The following SPTBN2 variants were observed in gnomAD, a reference collection of about 807,000 sequenced individuals.
SPTBN2 encodes the protein spectrin beta, non-erythrocytic 2.
A neutral mutation model predicts 284.2 loss-of-function variants in SPTBN2; 107 were observed. That is an observed-to-expected ratio of 0.38 (90% CI 0.32 to 0.44). The LOEUF is 0.44. Ranked by LOEUF, SPTBN2 falls within the 20% of genes least tolerant of loss-of-function variation. The probability of loss-of-function intolerance (pLI) is 1.00; values close to 1 mark genes in which losing one functional copy is unlikely to be tolerated. For synonymous variants in SPTBN2, 1,289 were observed against 1,354.8 expected (o/e 0.95, Z 1.07); for missense variants, 2,569 against 3,287.1 (o/e 0.78, Z 5.34).
chr11:66,720,310 A>G (rs1942336042), intron 3 of SPTBN2, among the ~76,000 whole-genome samples: 1 of 152,084 alleles, frequency 6.6e-6, no homozygotes, highest in Admixed American at 6.5e-5. Flanking sequence ...CAATGACAAG[A>G]GTGGGATGGA....
intron 17 of SPTBN2, 101 bp from the exon 18 acceptor site, chr11:66,699,709 G>T: frequency 8.3e-7 from 1 of 1,200,116 alleles, no homozygotes; most frequent in Non-Finnish European, 1.2e-6. Flanking sequence ...GGACCAACAA[G>T]CAGACAGGGA....
chr11:66,723,614 A>G (rs1301884094), intron 1 of SPTBN2, among the ~76,000 whole-genome samples: 1 of 152,202 alleles, frequency 6.6e-6, no homozygotes, highest in African/African-American at 2.4e-5. Flanking sequence ...GCTAAGGTCT[A>G]AGGCTTGTAG....
Position 66,687,298 on chromosome 11 carries a change from T to C in SPTBN2, c.6722+129A>G. ...GTCTTCACACCCTCTGGTCCTCCCC[T>C]GAGGCCCCGCTCTGGTCCCAAGTCC... On this transcript the variant is annotated intron_variant, in intron 35 of 37. Coordinates refer to ENST00000533211, the MANE Select transcript of SPTBN2 (RefSeq NM_006946.4). The surrounding 1 kb of genome is among the most constrained non-coding windows in gnomAD (Gnocchi z 5.2). 6.5e-7 allele frequency: 1 copy of C among 1,539,230 alleles called. No homozygotes were observed. The highest frequency in any genetic ancestry group is 2.3e-5 in the East Asian group (1 of 44,056).
intron 1 of SPTBN2, among the ~76,000 whole-genome samples, chr11:66,725,146 A>G (rs1218906061): frequency 6.6e-6 from 1 of 152,144 alleles, no homozygotes; most frequent in African/African-American, 2.4e-5. Flanking sequence ...GTTTCCAGAA[A>G]TGCTGTGATA....
At chr11:66,689,032 G>A in intron 30 of SPTBN2, 64 bp downstream of exon 30, 1 of 1,543,896 alleles carries the variant, frequency 6.5e-7, no homozygotes, top group Admixed American at 1.9e-5. Context: ...ACCTACTCTG[G>A]AACCCACAGG....
At chr11:66,722,892 CAAAAAAAAAAA>C (rs1293210992) in intron 1 of SPTBN2, among the ~76,000 whole-genome samples, 41 of 55,224 alleles carry the variant, frequency 7.4e-4, no homozygotes, top group African/African-American at 2.8e-3. Context: ...GATTCTGCCT[CAAAAAAAAAAA>C]AAAAAAAAAA....
chr11:66,734,237 C>A (rs925093312), intron 1 of SPTBN2, among the ~76,000 whole-genome samples: 3 of 151,954 alleles, frequency 2.0e-5, no homozygotes, highest in Admixed American at 2.0e-4. Flanking sequence ...TTGTCTAGGC[C>A]TTTTCTTATT....
chr11:66,699,589 G>A lies in SPTBN2; in HGVS notation c.3593C>T (p.Thr1198Met), dbSNP rs761305091. The A allele has an allele frequency of 1.1e-5, 17 of 1,613,960 alleles. No individual in the cohort carries two copies. The African/African-American group carries it at 1.6e-4, about 15-fold the overall frequency. Residue 1198 changes from threonine (T) to methionine (M), a missense_variant, in exon 18 of 38, where the codon ACG becomes ATG. Thr to Met is a moderately conservative substitution (Grantham distance 81). Around this residue, in one of 6 missense-constraint regions of SPTBN2, gnomAD observed 1,012 missense variants for 1,248.9 expected, o/e 0.81. Transcript: ENST00000533211. ...AGCCTGGAGTGTCCCTGGCATCTCCGTGTGAGACAGAACATATTCCTGTGT... is the reference window on the plus strand; with the variant it reads ...AGCCTGGAGTGTCCCTGGCATCTCCATGTGAGACAGAACATATTCCTGTGT... ...LSSQEYVLSHTEMPGTLQAAD... is the reference protein window; with the variant it reads ...LSSQEYVLSHMEMPGTLQAAD...
At chr11:66,724,834 TTC>T (rs1942555202) in intron 1 of SPTBN2, among the ~76,000 whole-genome samples, 1 of 152,166 alleles carries the variant, frequency 6.6e-6, no homozygotes, top group African/African-American at 2.4e-5. Flanking sequence ...CACCCATCAC[TTC>T]TCTCTTCTCC....
chr11:66,683,006 G>A lies in SPTBN2; in HGVS notation c.*2865C>T, dbSNP rs368462104. 6.6e-6 allele frequency among the ~76,000 whole-genome samples: 1 copy of A among 151,442 alleles called. No individual in the cohort carries two copies. The highest frequency in any genetic ancestry group is 1.5e-5 in the Non-Finnish European group (1 of 67,944). Reference sequence around the variant, plus strand: ...TGAGCTCAAGTGACCCACTCACCTCGGCTTCCCAAAGTGCTGGGATTATAA... The same window carrying A: ...TGAGCTCAAGTGACCCACTCACCTCAGCTTCCCAAAGTGCTGGGATTATAA... On this transcript the variant is annotated 3_prime_UTR_variant, in exon 38 of 38. Coordinates refer to ENST00000533211, the MANE Select transcript of SPTBN2 (RefSeq NM_006946.4).
Position 66,715,679 on chromosome 11 carries a change from C to T in SPTBN2, c.309+151G>A, listed in dbSNP as rs541273968. 15 of 1,153,940 alleles carry T rather than the reference C, an allele frequency of 1.3e-5. No individual in the cohort carries two copies. The highest frequency in any genetic ancestry group is 2.0e-5 in the Admixed American group (1 of 50,064). 71.5% of individuals were successfully genotyped at this position (1,153,940 alleles called of 1,614,324 possible). A position where few individuals can be genotyped will look rare whatever the true frequency, so the allele number is the denominator to read the frequency against. On this transcript the variant is annotated intron_variant, in intron 4 of 37. Coordinates refer to ENST00000533211, the MANE Select transcript of SPTBN2 (RefSeq NM_006946.4). This position sits in a 1 kb window ranked among gnomAD's most constrained non-coding sequence, Gnocchi z 5.3. ...CAATGCTCCTATGTAATCTAAGTGGCAAAGGCACTTGAAATGAACCCATCC... is the reference window on the plus strand; with the variant it reads ...CAATGCTCCTATGTAATCTAAGTGGTAAAGGCACTTGAAATGAACCCATCC...
chr11:66,694,562 A>G (rs1057108388), intron 21 of SPTBN2, among the ~76,000 whole-genome samples, 199 bp from the exon 22 acceptor site: 2 of 152,156 alleles, frequency 1.3e-5, no homozygotes, highest in Non-Finnish European at 2.9e-5. Context: ...GGTTGAAAAA[A>G]TCCCTATTGG....
At chr11:66,717,037 C>T (rs572588553) in intron 3 of SPTBN2, among the ~76,000 whole-genome samples, 2 of 152,218 alleles carry the variant, frequency 1.3e-5, no homozygotes, top group Admixed American at 6.5e-5. Context: ...CAAGGGGATC[C>T]AGTTCCAGGA....
chr11:66,710,587 C>T lies in SPTBN2; in HGVS notation c.1068G>A (p.Pro356=), dbSNP rs150080880. ...SFNSYRTVEK[P]PKFTEKGNLE... Reference sequence around the variant, plus strand: ...GGGGCCCCAGGGACACCTACTTGGGCGGCTTCTCCACGGTGCGGTAGGAGT... The same window carrying T: ...GGGGCCCCAGGGACACCTACTTGGGTGGCTTCTCCACGGTGCGGTAGGAGT... Residue 356 remains proline, a synonymous_variant, in exon 10 of 38, where the codon CCG becomes CCA. Coordinates refer to ENST00000533211, the MANE Select transcript of SPTBN2 (RefSeq NM_006946.4). This position sits in a 1 kb window ranked among gnomAD's most constrained non-coding sequence, Gnocchi z 4.9. The T allele has an allele frequency of 4.7e-4, 765 of 1,613,404 alleles. 6 individuals are homozygous for T. In the African/African-American group the frequency reaches 9.1e-3, roughly 19 times the overall value.
At chr11:66,702,960 A>AC (rs71045958) in intron 15 of SPTBN2, among the ~76,000 whole-genome samples, 42 of 149,692 alleles carry the variant, frequency 2.8e-4, no homozygotes, top group African/African-American at 8.6e-4. Flanking sequence ...AAAAAAAAAA[A>AC]CCAAAAAAAA....
intron 3 of SPTBN2, among the ~76,000 whole-genome samples, chr11:66,716,258 C>T (rs922351343): frequency 1.3e-4 from 20 of 152,076 alleles, no homozygotes; most frequent in Non-Finnish European, 1.2e-4. Flanking sequence ...CCAAGGCGGG[C>T]GGATCACAAG....
At chr11:66,725,479 C>T (rs1268897401) in intron 1 of SPTBN2, among the ~76,000 whole-genome samples, 1 of 152,210 alleles carries the variant, frequency 6.6e-6, no homozygotes, top group African/African-American at 2.4e-5. Flanking sequence ...CATTCCTCAC[C>T]TATGACCAGG....
Position 66,707,434 on chromosome 11 carries a change from G to C in SPTBN2, c.1653+82C>G. On this transcript the variant is annotated intron_variant, in intron 13 of 37. Coordinates refer to ENST00000533211, the MANE Select transcript of SPTBN2 (RefSeq NM_006946.4). This position sits in a 1 kb window ranked among gnomAD's most constrained non-coding sequence, Gnocchi z 4.9. ...GGTTCACACTCCACAGAGATCGGCC[G>C]AGCAGACGGGCGGACGCACCCACTG... 6.9e-7 allele frequency: 1 copy of C among 1,441,372 alleles called. No individual in the cohort carries two copies. Among genetic ancestry groups the C allele is most frequent in the Non-Finnish European group, 9.4e-7 (1 of 1,058,766 alleles). The allele number at this position is 1,441,372 out of a possible 1,614,324, so 89.3% of individuals were successfully genotyped here.
chr11:66,689,279 C>T, intron 29 of SPTBN2, 99 bp from the exon 30 acceptor site: 1 of 1,334,894 alleles, frequency 7.5e-7, no homozygotes, highest in Admixed American at 2.2e-5. Flanking sequence ...TTCTTTCTTT[C>T]TTTCTTTTTT....
Sources: gnomAD v4.1 joint callset for allele counts (sites outside exome capture counted in the v4.1 genomes callset) on GRCh38, gnomAD v4.1.1 for gene constraint, gnomAD v4.1.1 regional missense constraint, Gnocchi (gnomAD v3.1) non-coding constraint, MANE v1.5 for transcripts, NCBI Gene and HGNC (gene_info 2026-07-23, HGNC 2026-07-21) for gene names.